NADK: variants seen among roughly 807,000 people sequenced by gnomAD.
NADK encodes the protein poly(P)/ATP NAD kinase.
Under a neutral mutation model 49.8 loss-of-function variants are expected in NADK, and 22 were observed. The ratio of observed to expected loss-of-function variants is 0.44; its 90% CI spans 0.32 to 0.63. The LOEUF is 0.63. NADK is among the 30% of genes least tolerant of loss of function. The pLI is 0.06. For synonymous variants in NADK, 268 were observed against 253.7 expected, an observed-to-expected ratio of 1.06 and a Z score of -0.54; for missense variants, 438 against 609.4, an observed-to-expected ratio of 0.72 and a Z score of 2.96.
upstream of NADK, among the ~76,000 whole-genome samples, chr1:1,779,588 T>G (rs1646312546): frequency 6.6e-6 from 1 of 152,026 alleles, no homozygotes; most frequent in South Asian, 2.1e-4. Context: ...AAGCGATCCT[T>G]CCACTTCAGC....
In NADK at chr1:1,754,773, A is replaced by G; in HGVS notation, c.689-75T>C. ...TCAGGGGCCCCACCCCAGGGAGGCC[A>G]GTGGGAGTCAGAGGGCTCTTTCTTC... On this transcript the variant is annotated intron_variant, in intron 7 of 11. Coordinates refer to ENST00000341426, the MANE Select transcript of NADK (RefSeq NM_023018.5). This position sits in a 1 kb window ranked among gnomAD's most constrained non-coding sequence, Gnocchi z 4.3. 2.1e-6 allele frequency: 3 copies of G among 1,411,820 alleles called. No homozygotes were observed. Among genetic ancestry groups the G allele is most frequent in the South Asian group, 2.7e-5 (2 of 73,482 alleles). 87.5% of individuals were successfully genotyped at this position (1,411,820 alleles called of 1,614,324 possible).
intron 2 of NADK, among the ~76,000 whole-genome samples, chr1:1,764,332 A>C (rs374074759): frequency 3.3e-5 from 5 of 152,318 alleles, no homozygotes; most frequent in African/African-American, 1.2e-4. Context: ...CACCATCCCC[A>C]GGCACCATCA....
At chr1:1,777,803 G>A (rs1289356449) in intron 1 of NADK, among the ~76,000 whole-genome samples, 1 of 152,176 alleles carries the variant, frequency 6.6e-6, no homozygotes, top group East Asian at 1.9e-4. Context: ...GGAATTTTCT[G>A]GCAAGTACTG....
intron 1 of NADK, among the ~76,000 whole-genome samples, chr1:1,768,475 G>A (rs1410837710): frequency 6.6e-6 from 1 of 152,200 alleles, no homozygotes; most frequent in Non-Finnish European, 1.5e-5. Flanking sequence ...GGATCAATGA[G>A]CCCAGGAGTT....
chr1:1,778,235 AC>A lies in NADK; in HGVS notation c.-41+53del, dbSNP rs1428490001. 3.3e-5 allele frequency: 5 copies of A among 152,004 alleles called. No homozygotes were observed. The highest frequency in any genetic ancestry group is 1.2e-4 in the African/African-American group (5 of 41,412). The allele number at this position is 152,004 out of a possible 1,614,324, so 9.4% of individuals were successfully genotyped here. On this transcript the variant is annotated intron_variant, in intron 1 of 11. Transcript: ENST00000341426. The surrounding 1 kb of genome is among the most constrained non-coding windows in gnomAD (Gnocchi z 4.9). ...GGCCGCGCGCTCGCGGGCAGCGATGACCCCAGGCAGCGGGCGACCCCAGGCG... is the reference window on the plus strand; with the variant it reads ...GGCCGCGCGCTCGCGGGCAGCGATGACCCAGGCAGCGGGCGACCCCAGGCG...
In NADK at chr1:1,752,906, A is replaced by T; in HGVS notation, c.1339T>A (p.Ter447LysextTer40). ...EEEEEEEEEG[*>K] ...TCGGGCCTGGATAGGGGCTTGACCT[A>T]GCCCTCCTCCTCCTCCTCCTCCTCC... Residue 447 changes from the stop codon to lysine (K), a stop_lost, in exon 12 of 12, where the codon TAG becomes AAG. Coordinates refer to ENST00000341426, the MANE Select transcript of NADK (RefSeq NM_023018.5). 6.6e-7 allele frequency: 1 copy of T among 1,511,344 alleles called. No individual in the cohort carries two copies. Among genetic ancestry groups the T allele is most frequent in the Non-Finnish European group, 9.0e-7 (1 of 1,107,952 alleles). 93.6% of individuals were successfully genotyped at this position (1,511,344 alleles called of 1,614,324 possible).
chr1:1,754,619 G>T lies in NADK; in HGVS notation c.768C>A (p.His256Gln). 6.2e-7 allele frequency: 1 copy of T among 1,613,950 alleles called. No homozygotes were observed. Among genetic ancestry groups the T allele is most frequent in the Non-Finnish European group, 8.5e-7 (1 of 1,179,926 alleles). Reference sequence around the variant, plus strand: ...GCGAGCCGTTCTCACCCAGCCCATTGTGCACGGCCGTCTTCTTCCCCCGGA... The same window carrying T: ...GCGAGCCGTTCTCACCCAGCCCATTTTGCACGGCCGTCTTCTTCCCCCGGA... ...KELRGKKTAV[H>Q]NGLGENGSQA... Residue 256 changes from histidine to glutamine, a missense_variant, in exon 8 of 12, where the codon CAC becomes CAA. Physicochemically the swap from His to Gln is conservative, Grantham distance 24 (BLOSUM62 0). Coordinates refer to ENST00000341426, the MANE Select transcript of NADK (RefSeq NM_023018.5). This position sits in a 1 kb window ranked among gnomAD's most constrained non-coding sequence, Gnocchi z 4.3.
In NADK at chr1:1,752,491, A is replaced by C. The variant is rs1645356358; in HGVS notation, c.*413T>G. Reference sequence around the variant, plus strand: ...AGGGGAAGAGGTGCAGGTCAAGGGGAAAAGCATGGCAGCTCAAGGAAGGTT... The same window carrying C: ...AGGGGAAGAGGTGCAGGTCAAGGGGCAAAGCATGGCAGCTCAAGGAAGGTT... On this transcript the variant is annotated 3_prime_UTR_variant, in exon 12 of 12. Transcript: ENST00000341426. 6.3e-6 allele frequency: 1 copy of C among 158,320 alleles called. No individual in the cohort carries two copies. Among genetic ancestry groups the C allele is most frequent in the Non-Finnish European group, 1.4e-5 (1 of 72,010 alleles). 9.8% of individuals were successfully genotyped at this position (158,320 alleles called of 1,614,324 possible). A position where few individuals can be genotyped will look rare whatever the true frequency, so the allele number is the denominator to read the frequency against.
intron 1 of NADK, among the ~76,000 whole-genome samples, chr1:1,773,366 C>G (rs1031769908): frequency 4.0e-5 from 6 of 151,414 alleles, no homozygotes; most frequent in Admixed American, 3.9e-4. Flanking sequence ...TCCTCAAACT[C>G]CTGACCTCAG....
At chr1:1,766,337 C>T (rs916517563) in intron 1 of NADK, among the ~76,000 whole-genome samples, 10 of 136,822 alleles carry the variant, frequency 7.3e-5, no homozygotes, top group Admixed American at 1.6e-4. Context: ...ACCCGGGAAG[C>T]GGAGGTTGTG....
chr1:1,777,562 T>C (rs1646248077), intron 1 of NADK, among the ~76,000 whole-genome samples: 1 of 134,372 alleles, frequency 7.4e-6, no homozygotes, highest in Non-Finnish European at 1.6e-5. Flanking sequence ...AAAGGAAAAA[T>C]AACTTGTTAC....
chr1:1,762,873 G>A (rs1645770513), intron 2 of NADK, among the ~76,000 whole-genome samples: 1 of 152,256 alleles, frequency 6.6e-6, no homozygotes, highest in Non-Finnish European at 1.5e-5. Flanking sequence ...CACCCAGCCA[G>A]GGGCTGTGGC....
Position 1,752,305 on chromosome 1 carries a change from G to A in NADK, c.*599C>T, listed in dbSNP as rs553641807. ...GCGATGCCAGCCCCCTTCCCGCTGA[G>A]TGTCCCAGACTCAGTGCTGGCCTCA... On this transcript the variant is annotated 3_prime_UTR_variant, in exon 12 of 12. Transcript: ENST00000341426. 6.6e-6 allele frequency: 1 copy of A among 152,626 alleles called. No individual in the cohort carries two copies. The highest frequency in any genetic ancestry group is 2.4e-5 in the African/African-American group (1 of 41,478). 9.5% of individuals were successfully genotyped at this position (152,626 alleles called of 1,614,324 possible).
At chr1:1,762,233 G>A (rs937075165) in intron 2 of NADK, among the ~76,000 whole-genome samples, 198 bp from the exon 3 acceptor site, 5 of 152,230 alleles carry the variant, frequency 3.3e-5, no homozygotes, top group African/African-American at 1.2e-4. Flanking sequence ...CACCTGTGAG[G>A]AGCACGCATG....
chr1:1,763,144 C>A (rs377447805), intron 2 of NADK, among the ~76,000 whole-genome samples: 1 of 152,258 alleles, frequency 6.6e-6, no homozygotes, highest in African/African-American at 2.4e-5. Context: ...GTGACACAGG[C>A]GTGGCCATCA....
At chr1:1,764,672 C>T (rs1196772385) in intron 2 of NADK, among the ~76,000 whole-genome samples, 2 of 152,140 alleles carry the variant, frequency 1.3e-5, no homozygotes, top group Non-Finnish European at 1.5e-5. Flanking sequence ...GAGGCTGAGA[C>T]GGGCAGATCA....
chr1:1,753,989 G>A, intron 10 of NADK, 62 bp downstream of exon 10: 3 of 1,515,348 alleles, frequency 2.0e-6, no homozygotes, highest in South Asian at 2.6e-5. Flanking sequence ...CTAGGTCCCG[G>A]CTTTGTGTTG....
intron 4 of NADK, 35 bp downstream of exon 4, chr1:1,757,146 G>GCCCCCCCCC: frequency 9.2e-6 from 14 of 1,523,962 alleles, no homozygotes; most frequent in South Asian, 1.2e-5. Flanking sequence ...AACTCCATGT[G>GCCCCCCCCC]CACCCCAGGC....
chr1:1,774,715 T>G (rs1396943611), intron 1 of NADK, among the ~76,000 whole-genome samples: 1 of 152,194 alleles, frequency 6.6e-6, no homozygotes, highest in Non-Finnish European at 1.5e-5. Flanking sequence ...GACTGACACT[T>G]AATTCATTTG....
Sources: gnomAD v4.1 joint callset for allele counts (sites outside exome capture counted in the v4.1 genomes callset) on GRCh38, gnomAD v4.1.1 for gene constraint, Gnocchi (gnomAD v3.1) non-coding constraint, MANE v1.5 for transcripts, NCBI Gene and HGNC (gene_info 2026-07-23, HGNC 2026-07-21) for gene names.